KPNA3: variants seen among roughly 807,000 people sequenced by gnomAD.
KPNA3 encodes karyopherin subunit alpha 3.
A neutral mutation model predicts 73.8 loss-of-function variants in KPNA3; 13 were observed. The ratio of observed to expected loss-of-function variants is 0.18; its 90% confidence interval spans 0.11 to 0.28. The LOEUF (loss-of-function observed/expected upper bound fraction) is 0.28, where lower values mean the gene tolerates loss of function less well. Ranked by LOEUF, KPNA3 falls within the 10% of genes least tolerant of loss-of-function variation. The probability of loss-of-function intolerance (pLI) is 1.00; values close to 1 mark genes in which losing one functional copy is unlikely to be tolerated. For missense variants in KPNA3, 360 were observed against 618.1 expected (o/e 0.58, Z 4.43); for synonymous variants, 186 against 206.9 (o/e 0.90, Z 0.87).
At chr13:49,781,483 T>A (rs540045021) in intron 1 of KPNA3, among the ~76,000 whole-genome samples, 87 of 147,198 alleles carry the variant, frequency 5.9e-4, no homozygotes, top group African/African-American at 2.1e-3. Flanking sequence ...GTTATTCTTA[T>A]AAACACAGTG....
intron 1 of KPNA3, among the ~76,000 whole-genome samples, chr13:49,747,295 G>A (rs1052201021): frequency 6.6e-6 from 1 of 152,014 alleles, no homozygotes; most frequent in Non-Finnish European, 1.5e-5. Context: ...GCAGCAAGCC[G>A]AGGTGGCGCC....
At chr13:49,732,012 ATGAGG>A (rs1453438445) in intron 6 of KPNA3, among the ~76,000 whole-genome samples, 1 of 152,236 alleles carries the variant, frequency 6.6e-6, no homozygotes, top group Non-Finnish European at 1.5e-5. Context: ...TGACTTAGTC[ATGAGG>A]TTAATCTATA....
chr13:49,758,165 G>T (rs1412687840), intron 1 of KPNA3, among the ~76,000 whole-genome samples: 1 of 151,880 alleles, frequency 6.6e-6, no homozygotes, highest in Non-Finnish European at 1.5e-5. Flanking sequence ...GAGGCCAAAA[G>T]TATACTAAAA....
chr13:49,767,721 C>T (rs1424600756), intron 1 of KPNA3, among the ~76,000 whole-genome samples: 1 of 152,182 alleles, frequency 6.6e-6, no homozygotes, highest in Non-Finnish European at 1.5e-5. Flanking sequence ...TACTTAACCT[C>T]TCTGAACCCC....
At chr13:49,707,582 C>A (rs1373338286) in intron 12 of KPNA3, among the ~76,000 whole-genome samples, 1 of 143,238 alleles carries the variant, frequency 7.0e-6, no homozygotes, top group Non-Finnish European at 1.5e-5. Flanking sequence ...CTCTACCCCC[C>A]ACGATACCCT....
chr13:49,752,496 CAA>C (rs1954671529), intron 1 of KPNA3, among the ~76,000 whole-genome samples: 1 of 151,824 alleles, frequency 6.6e-6, no homozygotes, highest in Admixed American at 6.6e-5. Context: ...GACATATACA[CAA>C]AAGTGATAAA....
At chr13:49,733,383 G>A (rs916231739) in intron 2 of KPNA3, among the ~76,000 whole-genome samples, 29 of 147,674 alleles carry the variant, frequency 2.0e-4, no homozygotes, top group Non-Finnish European at 3.7e-4. Context: ...CTGCTTCCTG[G>A]GTTCAGGTGA....
intron 1 of KPNA3, among the ~76,000 whole-genome samples, chr13:49,769,570 A>G (rs1483878681): frequency 1.3e-5 from 2 of 152,156 alleles, no homozygotes. Context: ...TTCACTTAGC[A>G]TGTTTTTGAG....
At chr13:49,706,208 TCC>T in intron 13 of KPNA3, 39 bp from the exon 14 acceptor site, 1 of 1,610,262 alleles carries the variant, frequency 6.2e-7, no homozygotes, top group Non-Finnish European at 8.5e-7. Flanking sequence ...GGACTCTTTA[TCC>T]AAAAAGTCTT....
chr13:49,754,394 G>A (rs879364085), intron 1 of KPNA3, among the ~76,000 whole-genome samples: 3 of 152,128 alleles, frequency 2.0e-5, no homozygotes, highest in Non-Finnish European at 4.4e-5. Flanking sequence ...ATCAGATGCT[G>A]AAGTAGAGCA....
At chr13:49,740,562 CTCT>C (rs1381979912) in intron 2 of KPNA3, among the ~76,000 whole-genome samples, 1 of 152,150 alleles carries the variant, frequency 6.6e-6, no homozygotes, top group Admixed American at 6.5e-5. Context: ...TGCACAAGCT[CTCT>C]TGTCTGCTGT....
intron 2 of KPNA3, among the ~76,000 whole-genome samples, chr13:49,739,104 TCAAA>T (rs1440086432): frequency 2.6e-5 from 4 of 152,214 alleles, no homozygotes; most frequent in Admixed American, 1.3e-4. Flanking sequence ...AAAAGATCTT[TCAAA>T]CAATTAACTA....
chr13:49,787,196 A>G (rs1305544284), intron 1 of KPNA3, among the ~76,000 whole-genome samples: 2 of 152,232 alleles, frequency 1.3e-5, no homozygotes, highest in Non-Finnish European at 2.9e-5. Flanking sequence ...ACTAAAGCAT[A>G]AAGCTTAAGT....
intron 1 of KPNA3, among the ~76,000 whole-genome samples, chr13:49,752,183 T>C (rs1298307916): frequency 6.6e-6 from 1 of 152,148 alleles, no homozygotes; most frequent in African/African-American, 2.4e-5. Flanking sequence ...ATGATGGAGC[T>C]AGACACAAAA....
At position 49,774,353 on chromosome 13, in the gene KPNA3, T is replaced by G. The variant is rs184238554; in HGVS notation, c.69+18085A>C. Among the ~76,000 whole-genome samples, 96 of 152,334 alleles carry G rather than the reference T, an allele frequency of 6.3e-4. 1 individual carries two copies. The East Asian group carries it at 0.017, about 27-fold the overall frequency. Reference sequence around the variant, plus strand: ...ACAGTTATACCCCGAATTCAACACCTGGCAGCAGTCATAACTAGGGGTCTC... The same window carrying G: ...ACAGTTATACCCCGAATTCAACACCGGGCAGCAGTCATAACTAGGGGTCTC... On this transcript the variant is annotated intron_variant, in intron 1 of 16. Transcript: ENST00000261667.
chr13:49,736,265 C>T (rs1414740431), intron 2 of KPNA3, among the ~76,000 whole-genome samples: 1 of 152,048 alleles, frequency 6.6e-6, no homozygotes, highest in Non-Finnish European at 1.5e-5. Context: ...GATATTACTG[C>T]TGGGTGACTA....
intron 1 of KPNA3, among the ~76,000 whole-genome samples, chr13:49,747,556 G>A (rs553988028): frequency 2.3e-4 from 35 of 152,210 alleles, no homozygotes; most frequent in African/African-American, 7.2e-4. Flanking sequence ...GCAGTAGCAC[G>A]CCCCTGTACT....
intron 10 of KPNA3, among the ~76,000 whole-genome samples, chr13:49,711,500 A>G (rs776174166): frequency 2.0e-5 from 3 of 152,236 alleles, no homozygotes; most frequent in African/African-American, 4.8e-5. Flanking sequence ...GTAAACCAAT[A>G]AAAGAAATGA....
intron 1 of KPNA3, among the ~76,000 whole-genome samples, chr13:49,759,177 T>C (rs1280178106): frequency 6.6e-6 from 1 of 152,250 alleles, no homozygotes; most frequent in South Asian, 2.1e-4. Flanking sequence ...AACAACTAAA[T>C]TGTCATCACT....
Sources: allele counts gnomAD v4.1 joint callset (sites outside exome capture counted in the v4.1 genomes callset), GRCh38; gene constraint gnomAD v4.1.1; transcripts MANE v1.5; gene names NCBI Gene and HGNC (gene_info 2026-07-23, HGNC 2026-07-21).